Variants in SOX5 observed in about 807,000 individuals in gnomAD.
The protein encoded by SOX5 is SRY-box transcription factor 5, also known as transcription factor SOX-5.
In SOX5, 9 loss-of-function variants were observed where a neutral mutation model predicts 92.0. The observed-to-expected ratio is 0.10, with a 90% confidence interval of 0.06 to 0.17. SOX5 has a LOEUF of 0.17. SOX5 is among the 10% of genes least tolerant of loss of function. SOX5 has a pLI of 1.00. For synonymous variants in SOX5, 344 were observed against 336.3 expected (o/e 1.02, Z -0.25); for missense variants, 642 against 944.5 (o/e 0.68, Z 4.20).
intron 7 of SOX5, among the ~76,000 whole-genome samples, chr12:23,642,242 T>G (rs2080175274): frequency 6.6e-6 from 1 of 152,186 alleles, no homozygotes; most frequent in African/African-American, 2.4e-5. Flanking sequence ...GGTTATTTTT[T>G]AGGCTTCAAA....
chr12:23,854,701 T>C (rs941823396), intron 2 of SOX5, among the ~76,000 whole-genome samples: 12 of 152,106 alleles, frequency 7.9e-5, no homozygotes, highest in African/African-American at 1.9e-4. Context: ...CACAGAGAAT[T>C]TGAAGCCAAA....
intron 1 of SOX5, among the ~76,000 whole-genome samples, chr12:24,530,362 A>G (rs1394115119): frequency 6.6e-6 from 1 of 152,198 alleles, no homozygotes; most frequent in Non-Finnish European, 1.5e-5. Flanking sequence ...GCTGTTTCTG[A>G]AGTAGTAATG....
chr12:24,095,118 C>CAGAGAGAGAGAG (rs1316678789), intron 4 of SOX5, among the ~76,000 whole-genome samples: 1 of 82,644 alleles, frequency 1.2e-5, no homozygotes, highest in Admixed American at 1.5e-4. Flanking sequence ...CACACACACA[C>CAGAGAGAGAGAG]ACACACACAC....
chr12:24,009,541 T>C (rs1036489517), intron 4 of SOX5, among the ~76,000 whole-genome samples: 31 of 152,148 alleles, frequency 2.0e-4, no homozygotes, highest in African/African-American at 7.2e-4. Context: ...CAGAATCTTA[T>C]GTATATATAT....
intron 4 of SOX5, among the ~76,000 whole-genome samples, chr12:24,059,533 A>G (rs945377500): frequency 7.2e-5 from 11 of 152,170 alleles, no homozygotes; most frequent in Admixed American, 6.5e-4. Context: ...TAGATGAGGA[A>G]GGAACAGTAA....
At chr12:23,856,412 T>C (rs16926798) in intron 2 of SOX5, among the ~76,000 whole-genome samples, 9,461 of 152,140 alleles carry the variant, frequency 0.062, 387 homozygotes, top group South Asian at 0.1. Context: ...AGTTTTGGAG[T>C]TCTTAAAGGC....
intron 1 of SOX5, among the ~76,000 whole-genome samples, chr12:23,909,128 A>C (rs2097324396): frequency 1.3e-5 from 2 of 152,194 alleles, no homozygotes; most frequent in Admixed American, 1.3e-4. Flanking sequence ...AACACACAAT[A>C]AGACCCCAGC....
chr12:23,538,126 A>C (rs1006134826), intron 13 of SOX5, among the ~76,000 whole-genome samples: 2 of 152,168 alleles, frequency 1.3e-5, no homozygotes, highest in Non-Finnish European at 2.9e-5. Context: ...GAATCTTTCG[A>C]ATGAGTTCAT....
In SOX5 at chr12:24,214,866, T is replaced by G. The variant is rs114692611; in HGVS notation, c.-76-1449A>C. On this transcript the variant is annotated intron_variant, in intron 3 of 4. Transcript: ENST00000446891. The stretch of plus-strand genomic sequence containing the variant: ...AAAAGCCTAAATAATTTTGGAATAT[T>G]TAGATCATTTTAGAGTACATAAAAT... Among the ~76,000 whole-genome samples, 323 of 152,184 alleles carry G rather than the reference T, an allele frequency of 2.1e-3. 3 individuals are homozygous for G. The highest frequency in any genetic ancestry group is 7.1e-3 in the African/African-American group (293 of 41,556).
intron 3 of SOX5, among the ~76,000 whole-genome samples, chr12:23,815,790 T>C (rs901670870): frequency 2.6e-5 from 4 of 152,222 alleles, no homozygotes; most frequent in Middle Eastern, 3.2e-3. Context: ...TAGGAGTCTC[T>C]ATGCTAGGAA....
At chr12:24,365,493 T>C (rs1382382564) in intron 2 of SOX5, among the ~76,000 whole-genome samples, 2 of 151,926 alleles carry the variant, frequency 1.3e-5, no homozygotes, top group African/African-American at 2.4e-5. Flanking sequence ...TTTCCTATGA[T>C]TGACCTATAC....
At chr12:23,597,217 G>T (rs747473335) in intron 9 of SOX5, among the ~76,000 whole-genome samples, 3 of 152,190 alleles carry the variant, frequency 2.0e-5, no homozygotes, top group Non-Finnish European at 2.9e-5. Context: ...GGGATACACA[G>T]CCCAGGCTGG....
intron 3 of SOX5, among the ~76,000 whole-genome samples, chr12:23,816,003 A>C (rs1008882375): frequency 6.6e-6 from 1 of 152,302 alleles, no homozygotes; most frequent in South Asian, 2.1e-4. Context: ...TATAGGCACA[A>C]ATTTGAATTT....
chr12:24,175,494 G>C (rs1372204406), intron 4 of SOX5, among the ~76,000 whole-genome samples: 6 of 152,194 alleles, frequency 3.9e-5, no homozygotes, highest in Non-Finnish European at 8.8e-5. Context: ...TGGGAGCAAA[G>C]ATCTACAGTC....
intron 4 of SOX5, among the ~76,000 whole-genome samples, chr12:24,169,972 G>C (rs552520961): frequency 6.6e-6 from 1 of 152,242 alleles, no homozygotes; most frequent in East Asian, 1.9e-4. Flanking sequence ...CACAAAGGGC[G>C]TCCTGGGAGA....
chr12:23,804,967 A>G (rs1214206763), intron 3 of SOX5, among the ~76,000 whole-genome samples: 1 of 7,500 alleles, frequency 1.3e-4, no homozygotes, highest in Non-Finnish European at 3.9e-4. Flanking sequence ...ATATATATAT[A>G]TTCCTTTAAA....
chr12:23,722,830 C>A (rs1355970270), intron 6 of SOX5, among the ~76,000 whole-genome samples: 1 of 152,188 alleles, frequency 6.6e-6, no homozygotes, highest in African/African-American at 2.4e-5. Context: ...TTATCAGTCA[C>A]TCAAAGTGAC....
intron 4 of SOX5, among the ~76,000 whole-genome samples, chr12:24,083,813 C>A (rs1943646254): frequency 3.3e-5 from 5 of 151,768 alleles, no homozygotes; most frequent in Admixed American, 3.3e-4. Flanking sequence ...AATTAGTGGC[C>A]CACTTTATTT....
At chr12:24,331,877 G>GAAAAAAAAAAAAAAAAAAAAAAAAAA (rs1351705166) in intron 2 of SOX5, among the ~76,000 whole-genome samples, 1 of 88,950 alleles carries the variant, frequency 1.1e-5, no homozygotes, top group African/African-American at 4.2e-5. Context: ...AAAAAAAAAG[G>GAAAAAAAAAAAAAAAAAAAAAAAAAA]AAAGAAATTT....
Sources: gnomAD v4.1 joint callset for allele counts (sites outside exome capture counted in the v4.1 genomes callset) on GRCh38, gnomAD v4.1.1 for gene constraint, MANE v1.5 for transcripts, NCBI Gene and HGNC (gene_info 2026-07-23, HGNC 2026-07-21) for gene names.